Variants in KCNT2 observed in about 807,000 individuals in gnomAD.
KCNT2 encodes the protein potassium sodium-activated channel subfamily T member 2.
In KCNT2, 67 loss-of-function variants were observed where a neutral mutation model predicts 153.8. The observed-to-expected ratio is 0.44, with a 90% CI of 0.36 to 0.53. The LOEUF is 0.53. Ranked by LOEUF, KCNT2 falls within the 20% of genes least tolerant of loss-of-function variation. KCNT2 has a pLI of 0.00. For synonymous variants in KCNT2, 500 were observed against 458.8 expected (o/e 1.09, Z -1.15); for missense variants, 975 against 1,354.8 (o/e 0.72, Z 4.40).
intron 21 of KCNT2, among the ~76,000 whole-genome samples, chr1:196,315,387 AAATTAAATTCAATT>A (rs1204258260): frequency 6.6e-6 from 1 of 151,656 alleles, no homozygotes; most frequent in Non-Finnish European, 1.5e-5. Context: ...TATCCCCATT[AAATTAAATTCAATT>A]AATTAAATTC....
chr1:196,304,786 T>G (rs1286259888), intron 22 of KCNT2, among the ~76,000 whole-genome samples: 1 of 152,182 alleles, frequency 6.6e-6, no homozygotes, highest in Non-Finnish European at 1.5e-5. Flanking sequence ...TAAATTCCAG[T>G]TCTCAGTATA....
At chr1:196,561,756 G>A (rs1250765260) in intron 1 of KCNT2, among the ~76,000 whole-genome samples, 2 of 150,556 alleles carry the variant, frequency 1.3e-5, no homozygotes, top group Non-Finnish European at 3.0e-5. Context: ...GTCCAAAGCG[G>A]TTGGGATACA....
intron 1 of KCNT2, among the ~76,000 whole-genome samples, chr1:196,568,494 C>G (rs1319072909): frequency 6.6e-6 from 1 of 151,640 alleles, no homozygotes; most frequent in Non-Finnish European, 1.5e-5. Flanking sequence ...TACACGGAAG[C>G]CTGAGGCAGG....
chr1:196,320,580 A>T (rs1663198000), intron 19 of KCNT2, among the ~76,000 whole-genome samples: 1 of 151,718 alleles, frequency 6.6e-6, no homozygotes, highest in South Asian at 2.1e-4. Context: ...GGCCAAGAAA[A>T]CTGGTACCTA....
chr1:196,600,886 C>T (rs1290005153), intron 1 of KCNT2, among the ~76,000 whole-genome samples: 2 of 152,138 alleles, frequency 1.3e-5, no homozygotes, highest in African/African-American at 4.8e-5. Context: ...GACTTAAAGT[C>T]CCCCACCTTC....
At chr1:196,280,126 G>GA (rs1299950668) in intron 25 of KCNT2, among the ~76,000 whole-genome samples, 1 of 152,066 alleles carries the variant, frequency 6.6e-6, no homozygotes, top group African/African-American at 2.4e-5. Context: ...GATATTGATA[G>GA]AATGATGAAT....
At chr1:196,584,703 G>T (rs1662466296) in intron 1 of KCNT2, among the ~76,000 whole-genome samples, 1 of 152,058 alleles carries the variant, frequency 6.6e-6, no homozygotes, top group African/African-American at 2.4e-5. Flanking sequence ...TTTTATATCA[G>T]ATTTTATTTT....
At chr1:196,429,081 C>T (rs1673906966) in intron 9 of KCNT2, among the ~76,000 whole-genome samples, 2 of 151,352 alleles carry the variant, frequency 1.3e-5, no homozygotes, top group Admixed American at 6.6e-5. Context: ...TTGGCTCAAG[C>T]CATCCACCTG....
chr1:196,307,481 A>G (rs546762955), intron 21 of KCNT2, among the ~76,000 whole-genome samples: 48 of 152,218 alleles, frequency 3.2e-4, no homozygotes, highest in Non-Finnish European at 6.0e-4. Context: ...TTCTCTAGCT[A>G]CCTGGTTGGT....
intron 1 of KCNT2, among the ~76,000 whole-genome samples, chr1:196,548,925 T>C (rs1236487043): frequency 6.7e-6 from 1 of 149,886 alleles, no homozygotes; most frequent in Non-Finnish European, 1.5e-5. Flanking sequence ...AAACACCGCA[T>C]AGTCTCACTC....
At chr1:196,359,303 T>G (rs1667430443) in intron 14 of KCNT2, among the ~76,000 whole-genome samples, 1 of 152,012 alleles carries the variant, frequency 6.6e-6, no homozygotes, top group Non-Finnish European at 1.5e-5. Context: ...AAAATATTGC[T>G]TTGTTTACTT....
chr1:196,316,752 T>A (rs1662767612), intron 20 of KCNT2, among the ~76,000 whole-genome samples: 2 of 151,330 alleles, frequency 1.3e-5, no homozygotes, highest in Non-Finnish European at 3.0e-5. Context: ...AAAAAAAAAA[T>A]CTTACCTATC....
In KCNT2 at chr1:196,247,174, A is replaced by G. The variant is rs6696233; in HGVS notation, c.3211+11020T>C. Among the ~76,000 whole-genome samples the G allele has an allele frequency of 4.2e-3, 634 of 152,320 alleles. 3 individuals carry two copies. Among genetic ancestry groups the G allele is most frequent in the African/African-American group, 0.014 (570 of 41,590 alleles). ...TAAAATAGATTTCAAGGTAAAAACT[A>G]TAAAAAGAGACAAAGGTCAATATAT... is the stretch of plus-strand genomic sequence containing the variant. On this transcript the variant is annotated intron_variant, in intron 26 of 27. Transcript: ENST00000294725.
intron 13 of KCNT2, among the ~76,000 whole-genome samples, chr1:196,393,654 T>C (rs553178619): frequency 5.9e-5 from 9 of 151,348 alleles, no homozygotes; most frequent in African/African-American, 1.7e-4. Flanking sequence ...GAGAAGAAAA[T>C]ATGAAGTTTA....
chr1:196,259,781 A>C (rs990875332), intron 25 of KCNT2, among the ~76,000 whole-genome samples: 3 of 151,974 alleles, frequency 2.0e-5, no homozygotes, highest in Non-Finnish European at 4.4e-5. Context: ...GGGATATCCA[A>C]AAAATCTTCA....
intron 1 of KCNT2, among the ~76,000 whole-genome samples, chr1:196,504,872 A>G (rs906526410): frequency 6.6e-6 from 1 of 152,210 alleles, no homozygotes. Flanking sequence ...TTTTGGCTGC[A>G]TAAATGTCTT....
chr1:196,420,158 A>T lies in KCNT2; in HGVS notation c.1185+2892T>A, dbSNP rs565401589. ...TTCTAGGCTTTTTATTAAATTATTCATTTGTTATGCTAGATTTAATTTCCA... is the reference window on the plus strand; with the variant it reads ...TTCTAGGCTTTTTATTAAATTATTCTTTTGTTATGCTAGATTTAATTTCCA... On this transcript the variant is annotated intron_variant, in intron 12 of 27. Coordinates refer to ENST00000294725, the MANE Select transcript of KCNT2 (RefSeq NM_198503.5). Among the ~76,000 whole-genome samples, 146 of 151,724 alleles carry T rather than the reference A, an allele frequency of 9.6e-4. 1 individual carries two copies. The highest frequency in any genetic ancestry group is 2.0e-3 in the African/African-American group (83 of 41,418).
intron 14 of KCNT2, among the ~76,000 whole-genome samples, chr1:196,364,471 A>G (rs1259663415): frequency 6.6e-6 from 1 of 152,132 alleles, no homozygotes; most frequent in East Asian, 1.9e-4. Flanking sequence ...AATTAATTAC[A>G]TTGCATTTTG....
intron 1 of KCNT2, among the ~76,000 whole-genome samples, chr1:196,545,849 T>A (rs1214867090): frequency 6.6e-6 from 1 of 152,034 alleles, no homozygotes; most frequent in East Asian, 1.9e-4. Flanking sequence ...TCATTGAGCC[T>A]AATGTTTTCA....
Sources: allele counts gnomAD v4.1 joint callset (sites outside exome capture counted in the v4.1 genomes callset), GRCh38; gene constraint gnomAD v4.1.1; transcripts MANE v1.5; gene names NCBI Gene and HGNC (gene_info 2026-07-23, HGNC 2026-07-21).